The following PXDNL variants were observed in gnomAD, a reference collection of about 807,000 sequenced individuals.
PXDNL encodes the protein peroxidasin like.
A neutral mutation model predicts 150.8 loss-of-function variants in PXDNL; 145 were observed. That is an observed-to-expected ratio of 0.96 (90% confidence interval 0.84 to 1.10). PXDNL has a LOEUF of 1.10. Among genes scored for constraint, PXDNL ranks in the 50% least tolerant of loss-of-function variants. The pLI, the probability that PXDNL is intolerant of heterozygous loss-of-function variation, is 0.00. For missense variants in PXDNL, 2,087 were observed against 1,873.9 expected, an observed-to-expected ratio of 1.11 and a Z score of -2.10; for synonymous variants, 757 against 725.7, an observed-to-expected ratio of 1.04 and a Z score of -0.69.
At chr8:51,772,158 G>A (rs1185746960) in intron 1 of PXDNL, among the ~76,000 whole-genome samples, 1 of 151,604 alleles carries the variant, frequency 6.6e-6, no homozygotes, top group East Asian at 1.9e-4. Flanking sequence ...TCTCTTTGAT[G>A]AACCAGCAGC....
rs1302715053 is a variant in PXDNL, at chr8:51,636,087, T to C, written c.236+18602A>G. On this transcript the variant is annotated intron_variant, in intron 2 of 22. Transcript: ENST00000356297. ...AATGTTATGCACCACATTAATGGAA[T>C]GATGGAGGAGAAAACACAATCCTAT... Among the ~76,000 whole-genome samples, 4 of 152,146 alleles carry C rather than the reference T, an allele frequency of 2.6e-5. No individual in the cohort carries two copies. In the East Asian group the frequency reaches 5.8e-4, roughly 22 times the overall value.
intron 3 of PXDNL, among the ~76,000 whole-genome samples, chr8:51,558,813 T>C (rs1000813663): frequency 6.6e-6 from 1 of 152,124 alleles, no homozygotes; most frequent in Non-Finnish European, 1.5e-5. Flanking sequence ...ATTCAAGTTA[T>C]AGGACCAACA....
At chr8:51,486,357 A>G (rs1440279275) in intron 5 of PXDNL, among the ~76,000 whole-genome samples, 1 of 152,186 alleles carries the variant, frequency 6.6e-6, no homozygotes, top group Non-Finnish European at 1.5e-5. Flanking sequence ...ATCAGTTTAT[A>G]TCAAACATGA....
chr8:51,628,996 GT>G (rs1814429343), intron 2 of PXDNL, among the ~76,000 whole-genome samples: 1 of 152,078 alleles, frequency 6.6e-6, no homozygotes, highest in Admixed American at 6.5e-5. Flanking sequence ...AAGCAAGAAA[GT>G]TTGTCCAGTT....
intron 14 of PXDNL, among the ~76,000 whole-genome samples, chr8:51,420,219 G>A (rs1808910407): frequency 1.3e-5 from 2 of 152,140 alleles, no homozygotes; most frequent in Non-Finnish European, 2.9e-5. Context: ...ATAACTAAGT[G>A]GGGGCATCAA....
chr8:51,715,882 C>G (rs1034293229), intron 1 of PXDNL, among the ~76,000 whole-genome samples: 7 of 151,744 alleles, frequency 4.6e-5, no homozygotes, highest in Admixed American at 3.9e-4. Context: ...CAGTAAATGA[C>G]ATTACCTGAA....
At chr8:51,557,784 C>A (rs184888569) in intron 3 of PXDNL, among the ~76,000 whole-genome samples, 20 of 152,242 alleles carry the variant, frequency 1.3e-4, no homozygotes, top group Admixed American at 2.6e-4. Flanking sequence ...ATCTGCAGTC[C>A]TGCCTTAAAG....
At chr8:51,714,129 T>A (rs1816558150) in intron 1 of PXDNL, among the ~76,000 whole-genome samples, 1 of 152,220 alleles carries the variant, frequency 6.6e-6, no homozygotes, top group Non-Finnish European at 1.5e-5. Flanking sequence ...TAAGTAAAAT[T>A]AAGTCATCCC....
chr8:51,680,909 T>C (rs1411197465), intron 1 of PXDNL, among the ~76,000 whole-genome samples: 1 of 152,202 alleles, frequency 6.6e-6, no homozygotes. Flanking sequence ...GAATTTCCCC[T>C]CACACCACAT....
intron 2 of PXDNL, among the ~76,000 whole-genome samples, chr8:51,608,852 A>AAAAAAAAAAAAG (rs1813935720): frequency 1.3e-5 from 2 of 149,372 alleles, no homozygotes; most frequent in African/African-American, 5.1e-5. Context: ...AAAAAAAAAA[A>AAAAAAAAAAAAG]AAAAAAAGAA....
chr8:51,721,812 A>C (rs1461410479), intron 1 of PXDNL: 9 of 333,320 alleles, frequency 2.7e-5, no homozygotes, highest in Non-Finnish European at 5.3e-5. Context: ...CAGCCTCCTT[A>C]AACTAGTCAG....
intron 17 of PXDNL, among the ~76,000 whole-genome samples, chr8:51,388,719 T>C (rs959938636): frequency 5.3e-5 from 8 of 152,220 alleles, no homozygotes; most frequent in Non-Finnish European, 1.2e-4. Flanking sequence ...TTTCAATCTT[T>C]TCTCCCTATC....
At chr8:51,344,684 C>T (rs2130697408) in intron 20 of PXDNL, among the ~76,000 whole-genome samples, 1 of 152,332 alleles carries the variant, frequency 6.6e-6, no homozygotes, top group African/African-American at 2.4e-5. Flanking sequence ...TCAGTGAACA[C>T]TACAACAGCA....
intron 17 of PXDNL, among the ~76,000 whole-genome samples, chr8:51,406,913 T>C (rs1435141988): frequency 6.6e-6 from 1 of 152,240 alleles, no homozygotes; most frequent in Non-Finnish European, 1.5e-5. Context: ...GAAATGATCA[T>C]GTTATAATAA....
intron 1 of PXDNL, among the ~76,000 whole-genome samples, chr8:51,745,840 G>A (rs2036978780): frequency 6.6e-6 from 1 of 151,086 alleles, no homozygotes; most frequent in Non-Finnish European, 1.5e-5. Flanking sequence ...TGCGACCTCA[G>A]CTCACTACAA....
At chr8:51,659,857 GTATTTATTTATTTATTTATTTATTTATT>G (rs35068146) in intron 1 of PXDNL, among the ~76,000 whole-genome samples, 1 of 145,940 alleles carries the variant, frequency 6.9e-6, no homozygotes, top group African/African-American at 2.6e-5. Context: ...ACAAATTGCA[GTATTTATTTATTTATTTATTTATTTATT>G]TATTTATTTA....
intron 1 of PXDNL, among the ~76,000 whole-genome samples, chr8:51,684,108 C>T (rs992382861): frequency 3.9e-5 from 6 of 152,180 alleles, no homozygotes; most frequent in African/African-American, 1.4e-4. Context: ...TAAATCAAAG[C>T]TGCGTTTGGT....
In PXDNL at chr8:51,409,568, G is replaced by A. The variant is rs1808567386; in HGVS notation, c.2063-7C>T. 6.4e-7 allele frequency: 1 copy of A among 1,551,404 alleles called. No individual in the cohort carries two copies. Among genetic ancestry groups the A allele is most frequent in the Non-Finnish European group, 8.7e-7 (1 of 1,147,154 alleles). The stretch of plus-strand genomic sequence containing the variant: ...AAGTCATTGTACCGGAATTCTGAAA[G>A]GCAAGCGGCGAAAGCCGTGAGGAGG... On this transcript the variant is annotated splice_region_variant and splice_polypyrimidine_tract_variant and intron_variant, in intron 16 of 22. Transcript: ENST00000356297.
intron 1 of PXDNL, among the ~76,000 whole-genome samples, chr8:51,736,958 C>T (rs538293179): frequency 7.9e-5 from 12 of 152,236 alleles, no homozygotes; most frequent in South Asian, 4.1e-4. Flanking sequence ...TCCATAAGAG[C>T]GGTTGTTCTT....
Sources: gnomAD v4.1 joint callset for allele counts (sites outside exome capture counted in the v4.1 genomes callset) on GRCh38, gnomAD v4.1.1 for gene constraint, MANE v1.5 for transcripts, NCBI Gene and HGNC (gene_info 2026-07-23, HGNC 2026-07-21) for gene names.